Variants in COL4A5 observed in about 807,000 individuals in gnomAD.
COL4A5 encodes collagen type IV alpha 5 chain, also known as collagen alpha-5(IV) chain.
COL4A5 carries 26 observed loss-of-function variants against 130.2 expected under a neutral mutation model. The ratio of observed to expected loss-of-function variants is 0.20; its 90% CI spans 0.15 to 0.28. The LOEUF is 0.28. Ranked by LOEUF, COL4A5 falls within the 10% of genes least tolerant of loss-of-function variation. The pLI, the probability that COL4A5 is intolerant of heterozygous loss-of-function variation, is 1.00. For synonymous variants in COL4A5, 496 were observed against 439.6 expected, an observed-to-expected ratio of 1.13 and a Z score of -1.60; for missense variants, 1,131 against 1,344.3, an observed-to-expected ratio of 0.84 and a Z score of 2.48.
rs56369207 is a variant in COL4A5 at position 108,614,766 on chromosome X, A to G, written c.2396-145A>G. The stretch of plus-strand genomic sequence containing the variant: ...GGCTGTAACTATTAATAGATTCCCT[A>G]TCCTTTGCTCTTGATACTTATGTGT... On this transcript the variant is annotated intron_variant, in intron 29 of 52. Transcript: ENST00000328300. 2,605 of 497,193 alleles carry G rather than the reference A, an allele frequency of 5.2e-3. 8 individuals are homozygous for G. The highest frequency in any genetic ancestry group is 0.021 in the Middle Eastern group (39 of 1,890). The allele number at this position is 497,193 out of a possible 1,213,427, so 41.0% of individuals were successfully genotyped here. A position where few individuals can be genotyped will look rare whatever the true frequency, so the allele number is the denominator to read the frequency against.
intron 36 of COL4A5, chrX:108,627,505 A>G: frequency 1.4e-6 from 1 of 736,292 alleles, no homozygotes; most frequent in Non-Finnish European, 1.6e-6. Context: ...TTTTCAATAT[A>G]TCTTAGACAA....
At chrX:108,691,462 G>A (rs186925470) in intron 49 of COL4A5, among the ~76,000 whole-genome samples, 24 of 110,242 alleles carry the variant, frequency 2.2e-4, no homozygotes, top group African/African-American at 6.9e-4. Flanking sequence ...TAAGAAATAC[G>A]TTTCTAATAA....
At chrX:108,608,685 A>G (rs774593905) in intron 29 of COL4A5, among the ~76,000 whole-genome samples, 34 of 111,532 alleles carry the variant, frequency 3.0e-4, no homozygotes, top group Non-Finnish European at 5.7e-4. Flanking sequence ...ATTAAATGAG[A>G]TACATAAATC....
chrX:108,552,529 C>A (rs762817186), intron 2 of COL4A5, among the ~76,000 whole-genome samples: 9 of 111,374 alleles, frequency 8.1e-5, no homozygotes, highest in African/African-American at 2.9e-4. Flanking sequence ...TATAATAGTG[C>A]CATTTAAAAT....
At position 108,578,191 on chromosome X, in the gene COL4A5, T is replaced by C. The variant is rs1328746978; in HGVS notation, c.687+72T>C. 6 of 1,140,897 alleles carry C rather than the reference T, an allele frequency of 5.3e-6. No individual in the cohort carries two copies. The East Asian group carries it at 1.8e-4, about 34-fold the overall frequency. 94.0% of individuals were successfully genotyped at this position (1,140,897 alleles called of 1,213,427 possible). A position where few individuals can be genotyped will look rare whatever the true frequency, so the allele number is the denominator to read the frequency against. On this transcript the variant is annotated intron_variant, in intron 12 of 52. Coordinates refer to ENST00000328300, the MANE Select transcript of COL4A5 (RefSeq NM_033380.3). ...TTTGTAGTCATTTGAACTGTCTTTTTCTTTCTCTTGCTTCTTGAAGTTATC... is the reference window on the plus strand; with the variant it reads ...TTTGTAGTCATTTGAACTGTCTTTTCCTTTCTCTTGCTTCTTGAAGTTATC...
chrX:108,448,008 A>C lies in COL4A5; in HGVS notation c.81+7802A>C, dbSNP rs947457542. Reference sequence around the variant, plus strand: ...ACAAACCAGATTCTCATTTTATGCAACTTGAACTTATTTACCTCCATAGTC... The same window carrying C: ...ACAAACCAGATTCTCATTTTATGCACCTTGAACTTATTTACCTCCATAGTC... On this transcript the variant is annotated intron_variant, in intron 1 of 52. Coordinates refer to ENST00000328300, the MANE Select transcript of COL4A5 (RefSeq NM_033380.3). Among the ~76,000 whole-genome samples, 7 of 111,767 alleles carry C rather than the reference A, an allele frequency of 6.3e-5. No homozygotes were observed. In the Admixed American group the frequency reaches 6.7e-4, roughly 11 times the overall value.
chrX:108,526,636 CTT>C (rs1320987146), intron 1 of COL4A5, among the ~76,000 whole-genome samples: 7 of 56,491 alleles, frequency 1.2e-4, no homozygotes, highest in African/African-American at 5.2e-4. Context: ...TTCTTTCTTT[CTT>C]TCTTTCTTTC....
chrX:108,490,469 A>C (rs1355294317), intron 1 of COL4A5, among the ~76,000 whole-genome samples: 1 of 111,648 alleles, frequency 9.0e-6, no homozygotes, highest in East Asian at 2.8e-4. Flanking sequence ...ATCATCCTAA[A>C]TCATTGCAGC....
chrX:108,534,154 A>AAG (rs1339875510), intron 1 of COL4A5, among the ~76,000 whole-genome samples: 2 of 109,296 alleles, frequency 1.8e-5, no homozygotes, highest in African/African-American at 6.8e-5. Context: ...GAGAAAGAGA[A>AAG]AGAGAGAGAG....
At chrX:108,632,199 C>T (rs1427558285) in intron 36 of COL4A5, among the ~76,000 whole-genome samples, 1 of 111,311 alleles carries the variant, frequency 9.0e-6, no homozygotes, top group Non-Finnish European at 1.9e-5. Flanking sequence ...ACTATAAACA[C>T]CTCTATGCAA....
intron 1 of COL4A5, among the ~76,000 whole-genome samples, chrX:108,458,696 T>C (rs1326154112): frequency 1.8e-5 from 2 of 112,045 alleles, no homozygotes; most frequent in Non-Finnish European, 3.8e-5. Flanking sequence ...TAAGATCATC[T>C]TTGGCCGGGT....
Position 108,674,727 on chromosome X carries a change from G to C in COL4A5, c.3800-18G>C. 4 of 1,193,987 alleles carry C rather than the reference G, an allele frequency of 3.4e-6. No homozygotes were observed. Among genetic ancestry groups the C allele is most frequent in the Non-Finnish European group, 4.5e-6 (4 of 885,499 alleles). On this transcript the variant is annotated intron_variant, in intron 42 of 52. Transcript: ENST00000328300. ...CTAACATCGATCTTTGGGCTTTGGT[G>C]AACTCTGATCTTCCCAGGTTTTCAA...
At chrX:108,575,052 G>T (rs1199451533) in intron 9 of COL4A5, among the ~76,000 whole-genome samples, 1 of 111,009 alleles carries the variant, frequency 9.0e-6, no homozygotes, top group African/African-American at 3.3e-5. Context: ...GCCTCCAAAA[G>T]TATGAGGATT....
rs780446120 is a variant in COL4A5 at position 108,606,806 on chromosome X, C to G, written c.2309C>G (p.Ala770Gly). Residue 770 changes from alanine to glycine, a missense_variant, in exon 29 of 53, where the codon GCA becomes GGA. Physicochemically the swap from Ala to Gly is moderately conservative, Grantham distance 60 (BLOSUM62 0). Transcript: ENST00000328300. ...CCAGGACTTCCAGGTTTCAAAGGAG[C>G]ACTTGGTCCAAAAGGTGATCGTGGT... ...GPPGLPGFKG[A>G]LGPKGDRGFP... The G allele has an allele frequency of 2.5e-6, 3 of 1,211,269 alleles. No homozygotes were observed. The highest frequency in any genetic ancestry group is 3.4e-6 in the Non-Finnish European group (3 of 894,988).
intron 9 of COL4A5, among the ~76,000 whole-genome samples, chrX:108,575,472 A>G (rs2066130462): frequency 8.9e-6 from 1 of 112,690 alleles, no homozygotes; most frequent in East Asian, 2.8e-4. Flanking sequence ...CACTTATAAT[A>G]TTGCTGAATG....
chrX:108,689,463 A>T, intron 49 of COL4A5: 1 of 752,390 alleles, frequency 1.3e-6, no homozygotes, highest in Non-Finnish European at 1.6e-6. Flanking sequence ...ACTTTTCAGA[A>T]TCCATGTATT....
At chrX:108,458,730 G>A (rs754469114) in intron 1 of COL4A5, among the ~76,000 whole-genome samples, 1 of 111,616 alleles carries the variant, frequency 9.0e-6, no homozygotes, top group African/African-American at 3.3e-5. Flanking sequence ...CCTGTAATCC[G>A]AGCACTTTGA....
At chrX:108,583,737 A>G (rs765900519) in intron 17 of COL4A5, among the ~76,000 whole-genome samples, 6 of 111,523 alleles carry the variant, frequency 5.4e-5, no homozygotes, top group African/African-American at 1.6e-4. Context: ...GTCAAATAGT[A>G]TTTGTATATA....
intron 1 of COL4A5, among the ~76,000 whole-genome samples, chrX:108,448,862 A>C (rs1289994116): frequency 2.7e-5 from 3 of 111,460 alleles, no homozygotes; most frequent in Non-Finnish European, 5.6e-5. Flanking sequence ...GTACTGCCAT[A>C]CTCTGCCTAT....
Sources: gnomAD v4.1 joint callset for allele counts (sites outside exome capture counted in the v4.1 genomes callset) on GRCh38, gnomAD v4.1.1 for gene constraint, MANE v1.5 for transcripts, NCBI Gene and HGNC (gene_info 2026-07-23, HGNC 2026-07-21) for gene names.